Variants in MPP7 observed in about 807,000 individuals in gnomAD.
The protein encoded by MPP7 is MAGUK p55 subfamily member 7.
In MPP7, 60 loss-of-function variants were observed where a neutral mutation model predicts 76.5. The ratio of observed to expected loss-of-function variants is 0.78; its 90% CI spans 0.64 to 0.97. The LOEUF (loss-of-function observed/expected upper bound fraction) is 0.97, where lower values mean the gene tolerates loss of function less well. Ranked by LOEUF, MPP7 falls within the 50% of genes least tolerant of loss-of-function variation. The probability of loss-of-function intolerance (pLI) is 0.00; values close to 1 mark genes in which losing one functional copy is unlikely to be tolerated. For synonymous variants in MPP7, 237 were observed against 244.5 expected (o/e 0.97, Z 0.29); for missense variants, 641 against 694.0 (o/e 0.92, Z 0.86).
intron 3 of MPP7, 29 bp from the exon 4 acceptor site, chr10:28,150,088 C>T (rs750004695): frequency 2.7e-6 from 4 of 1,503,688 alleles, no homozygotes; most frequent in Non-Finnish European, 3.7e-6. Flanking sequence ...CATATAAGTT[C>T]ACCTGCTAGC....
chr10:28,083,310 C>T (rs1044519363), intron 12 of MPP7, among the ~76,000 whole-genome samples: 3 of 152,074 alleles, frequency 2.0e-5, no homozygotes, highest in Admixed American at 6.6e-5. Flanking sequence ...TACATAAAAC[C>T]GCCTTGGCCA....
intron 11 of MPP7, among the ~76,000 whole-genome samples, chr10:28,111,055 A>G (rs1226354391): frequency 6.6e-6 from 1 of 152,190 alleles, no homozygotes; most frequent in Non-Finnish European, 1.5e-5. Flanking sequence ...TCCTACATAT[A>G]TGTGCACTAA....
chr10:28,322,677 C>G (rs796525387), intron 2 of MPP7, among the ~76,000 whole-genome samples: 4 of 152,306 alleles, frequency 2.6e-5, no homozygotes, highest in African/African-American at 7.2e-5. Context: ...CCAGTTTCTC[C>G]AAGCCCAGAT....
At chr10:28,242,545 CTTT>C (rs1164978829) in intron 1 of MPP7, among the ~76,000 whole-genome samples, 18 of 152,132 alleles carry the variant, frequency 1.2e-4, no homozygotes, top group Non-Finnish European at 2.9e-5. Context: ...GTACTTGTAC[CTTT>C]TATACCAGCC....
At chr10:28,056,410 C>A in intron 16 of MPP7, 70 bp downstream of exon 16, 1 of 1,484,024 alleles carries the variant, frequency 6.7e-7, no homozygotes, top group Non-Finnish European at 9.1e-7. Flanking sequence ...CCTCCTGCTT[C>A]GGCCTCCCAA....
Position 28,054,012 on chromosome 10 carries a change from T to C in MPP7, c.*53A>G, listed in dbSNP as rs1851451102. 1.2e-5 allele frequency: 16 copies of C among 1,365,224 alleles called. No individual in the cohort carries two copies. In the South Asian group the frequency reaches 2.0e-4, roughly 17 times the overall value. 84.6% of individuals were successfully genotyped at this position (1,365,224 alleles called of 1,614,324 possible). A position where few individuals can be genotyped will look rare whatever the true frequency, so the allele number is the denominator to read the frequency against. ...AAAAACCCTACTACCAAAACTGTAATTGATTTCATCATGCACTCTATAGAA... is the reference window on the plus strand; with the variant it reads ...AAAAACCCTACTACCAAAACTGTAACTGATTTCATCATGCACTCTATAGAA... On this transcript the variant is annotated 3_prime_UTR_variant, in exon 17 of 17. Transcript: ENST00000683449.
intron 1 of MPP7, among the ~76,000 whole-genome samples, chr10:28,291,043 G>A (rs1204740712): frequency 6.6e-6 from 1 of 152,150 alleles, no homozygotes; most frequent in Non-Finnish European, 1.5e-5. Flanking sequence ...AATGTCCATG[G>A]AGAAGAAGAA....
At chr10:28,095,209 ATATATAT>A in intron 11 of MPP7, among the ~76,000 whole-genome samples, 1 of 147,536 alleles carries the variant, frequency 6.8e-6, no homozygotes, top group South Asian at 2.2e-4. Context: ...ATATATATAT[ATATATAT>A]ATATATACAG....
At chr10:28,196,440 A>G (rs1837584156) in intron 3 of MPP7, among the ~76,000 whole-genome samples, 1 of 150,284 alleles carries the variant, frequency 6.7e-6, no homozygotes, top group African/African-American at 2.5e-5. Flanking sequence ...AGATCACACT[A>G]CTGCACTCCA....
intron 11 of MPP7, among the ~76,000 whole-genome samples, chr10:28,114,212 A>G (rs1164946861): frequency 6.6e-6 from 1 of 152,190 alleles, no homozygotes; most frequent in Non-Finnish European, 1.5e-5. Context: ...GCAGTTTGAG[A>G]TCAGCGTGAA....
intron 4 of MPP7, among the ~76,000 whole-genome samples, chr10:28,147,816 C>A (rs958457605): frequency 2.0e-5 from 3 of 152,120 alleles, no homozygotes; most frequent in African/African-American, 7.2e-5. Flanking sequence ...TGATTTATTG[C>A]AAGGAGGGCA....
intron 3 of MPP7, among the ~76,000 whole-genome samples, chr10:28,179,177 A>G (rs1265718307): frequency 6.6e-6 from 1 of 152,132 alleles, no homozygotes; most frequent in Non-Finnish European, 1.5e-5. Context: ...CTCCTCCAAC[A>G]CACTCACACT....
At chr10:28,310,234 T>G (rs1841282388) in intron 2 of MPP7, among the ~76,000 whole-genome samples, 1 of 152,132 alleles carries the variant, frequency 6.6e-6, no homozygotes, top group Non-Finnish European at 1.5e-5. Flanking sequence ...ACTCCTGGCC[T>G]CAGGTGAGCA....
chr10:28,088,814 T>C (rs1444954673), intron 12 of MPP7, among the ~76,000 whole-genome samples: 2 of 152,218 alleles, frequency 1.3e-5, no homozygotes. Flanking sequence ...ACAAGATAGA[T>C]GCTAGGATGC....
intron 16 of MPP7, among the ~76,000 whole-genome samples, chr10:28,054,807 G>A (rs528984769): frequency 6.6e-6 from 1 of 152,236 alleles, no homozygotes; most frequent in Admixed American, 6.5e-5. Context: ...CTCCCGAGTA[G>A]CTGGAATTAC....
chr10:28,067,603 T>C (rs1211303686), intron 13 of MPP7, among the ~76,000 whole-genome samples: 2 of 152,206 alleles, frequency 1.3e-5, no homozygotes, highest in East Asian at 3.8e-4. Flanking sequence ...ACAACCTTTC[T>C]GTAATATTGT....
At chr10:28,289,993 A>AT (rs1301552249) in intron 1 of MPP7, among the ~76,000 whole-genome samples, 8 of 151,962 alleles carry the variant, frequency 5.3e-5, no homozygotes, top group Non-Finnish European at 1.0e-4. Flanking sequence ...TAATTTTTGT[A>AT]TTTTTTGTAG....
chr10:28,080,685 A>G (rs1166383793), intron 12 of MPP7, among the ~76,000 whole-genome samples: 1 of 152,212 alleles, frequency 6.6e-6, no homozygotes, highest in African/African-American at 2.4e-5. Flanking sequence ...CCCAGAAATG[A>G]AGTCTGAAAA....
intron 3 of MPP7, among the ~76,000 whole-genome samples, chr10:28,176,093 C>G (rs1588886295): frequency 6.6e-6 from 1 of 151,978 alleles, no homozygotes. Flanking sequence ...TTGGGAAGAG[C>G]AGGGTAAAGG....
Sources: gnomAD v4.1 joint callset for allele counts (sites outside exome capture counted in the v4.1 genomes callset) on GRCh38, gnomAD v4.1.1 for gene constraint, MANE v1.5 for transcripts, NCBI Gene and HGNC (gene_info 2026-07-23, HGNC 2026-07-21) for gene names.